Variants in HOXC12 observed in about 807,000 individuals in gnomAD.
HOXC12 encodes homeobox C12.
Under a neutral mutation model 20.9 loss-of-function variants are expected in HOXC12, and 24 were observed. The ratio of observed to expected loss-of-function variants is 1.15; its 90% confidence interval spans 0.83 to 1.61. The LOEUF is 1.61. HOXC12 is among the 40% of genes most tolerant of loss of function. The pLI is 0.00. For synonymous variants in HOXC12, 202 were observed against 197.7 expected, an observed-to-expected ratio of 1.02 and a Z score of -0.18; for missense variants, 436 against 406.9, an observed-to-expected ratio of 1.07 and a Z score of -0.62.
rs1454967507 is a variant in HOXC12 at position 53,957,754 on chromosome 12, T to G, written c.*1188T>G. Reference sequence around the variant, plus strand: ...CCCCCCACCCAACTCCCTTCTCTCTTCCTCGCCCGCCCCCCAACATTGCCC... The same window carrying G: ...CCCCCCACCCAACTCCCTTCTCTCTGCCTCGCCCGCCCCCCAACATTGCCC... On this transcript the variant is annotated 3_prime_UTR_variant, in exon 2 of 2. Coordinates refer to ENST00000243103, the MANE Select transcript of HOXC12 (RefSeq NM_173860.3). 3 of 152,392 alleles carry G rather than the reference T, an allele frequency of 2.0e-5. No individual in the cohort carries two copies. The highest frequency in any genetic ancestry group is 4.4e-5 in the Non-Finnish European group (3 of 68,270). The allele number at this position is 152,392 out of a possible 1,614,324, so 9.4% of individuals were successfully genotyped here. A position where few individuals can be genotyped will look rare whatever the true frequency, so the allele number is the denominator to read the frequency against.
At position 53,956,476 on chromosome 12, in the gene HOXC12, T is replaced by G. The variant is rs1470078531; in HGVS notation, c.759T>G (p.Leu253=). ...RRRELSDRLN[L]SDQQVKIWFQ... is the part of the protein sequence containing the mutation. ...GGGAACTCTCAGACCGCTTGAATCT[T>G]AGTGACCAGCAGGTCAAGATCTGGT... The change falls in exon 2 of 2, where the codon CTT becomes CTG. Residue 253 remains leucine, a synonymous_variant. Transcript: ENST00000243103. 6.2e-7 allele frequency: 1 copy of G among 1,614,068 alleles called. No homozygotes were observed. Among genetic ancestry groups the G allele is most frequent in the East Asian group, 2.2e-5 (1 of 44,902 alleles).
Position 53,958,936 on chromosome 12 carries a change from T to C in HOXC12, c.*2370T>C, listed in dbSNP as rs1938911152. On this transcript the variant is annotated 3_prime_UTR_variant, in exon 2 of 2. Transcript: ENST00000243103. ...TGCTTCATCATATTAATATTGATAA[T>C]AATAATAATTAAAACATGAATTATG... is the stretch of plus-strand genomic sequence containing the variant. 1 of 152,160 alleles carries C rather than the reference T, an allele frequency of 6.6e-6. No individual in the cohort carries two copies. Among genetic ancestry groups the C allele is most frequent in the South Asian group, 2.1e-4 (1 of 4,824 alleles). 9.4% of individuals were successfully genotyped at this position (152,160 alleles called of 1,614,324 possible).
In HOXC12 at chr12:53,956,536, G is replaced by A. The variant is rs565133035; in HGVS notation, c.819G>A (p.Leu273=). The A allele has an allele frequency of 1.9e-6, 3 of 1,613,644 alleles. No homozygotes were observed. The highest frequency in any genetic ancestry group is 1.7e-6 in the Non-Finnish European group (2 of 1,179,806). Residue 273 remains leucine (L), a synonymous_variant, in exon 2 of 2, where the codon CTG becomes CTA. Coordinates refer to ENST00000243103, the MANE Select transcript of HOXC12 (RefSeq NM_173860.3). ...QNRRMKKKRL[L]LREQALSFF is the part of the protein sequence containing the mutation. ...GGAGAATGAAAAAGAAAAGACTTCTGTTGAGGGAGCAAGCTCTCTCCTTCT... is the reference window on the plus strand; with the variant it reads ...GGAGAATGAAAAAGAAAAGACTTCTATTGAGGGAGCAAGCTCTCTCCTTCT...
At position 53,955,277 on chromosome 12, in the gene HOXC12, G is replaced by A. The variant is rs749633904; in HGVS notation, c.348G>A (p.Pro116=). The change falls in exon 1 of 2, where the codon CCG becomes CCA. Residue 116 remains proline, a synonymous_variant. Coordinates refer to ENST00000243103, the MANE Select transcript of HOXC12 (RefSeq NM_173860.3). Reference sequence around the variant, plus strand: ...AGCGTGAGGAGCGCGGGCGCGACCCGGGAGCCGGGCCCGGGGCAGCGCTGC... The same window carrying A: ...AGCGTGAGGAGCGCGGGCGCGACCCAGGAGCCGGGCCCGGGGCAGCGCTGC... The part of the protein sequence containing the change: ...GLKREERGRD[P]GAGPGAALLP... 8.3e-6 allele frequency: 12 copies of A among 1,445,526 alleles called. No homozygotes were observed. Among genetic ancestry groups the A allele is most frequent in the Middle Eastern group, 2.4e-4 (1 of 4,116 alleles). 89.5% of individuals were successfully genotyped at this position (1,445,526 alleles called of 1,614,324 possible). A position where few individuals can be genotyped will look rare whatever the true frequency, so the allele number is the denominator to read the frequency against.
In HOXC12 at chr12:53,957,445, TC is replaced by T. The variant is rs1199192506; in HGVS notation, c.*883del. On this transcript the variant is annotated 3_prime_UTR_variant, in exon 2 of 2. Coordinates refer to ENST00000243103, the MANE Select transcript of HOXC12 (RefSeq NM_173860.3). ...TCAGGTTCAGTAGCCACCCCAGAGG[TC>T]CCCAGCTGGCTCTCCAGAAAGAAAG... 1 of 152,190 alleles carries T rather than the reference TC, an allele frequency of 6.6e-6. No individual in the cohort carries two copies. The allele number at this position is 152,190 out of a possible 1,614,324, so 9.4% of individuals were successfully genotyped here. A position where few individuals can be genotyped will look rare whatever the true frequency, so the allele number is the denominator to read the frequency against.
In HOXC12 at chr12:53,955,147, T is replaced by A; in HGVS notation, c.218T>A (p.Val73Glu). Residue 73 changes from valine to glutamate, a missense_variant, in exon 1 of 2, where the codon GTG (valine) becomes GAG (glutamate). Val to Glu is a moderately radical substitution (Grantham distance 121, BLOSUM62 -2). Transcript: ENST00000243103. ...GYPQPYLGSP[V>E]SLNPPFGRTC... is the part of the protein sequence containing the mutation. ...CCGCAGCCCTACCTCGGCAGCCCAG[T>A]GTCTCTCAACCCTCCCTTCGGCCGC... 1 of 1,610,968 alleles carries A rather than the reference T, an allele frequency of 6.2e-7. No homozygotes were observed.
intron 1 of HOXC12, 117 bp from the exon 2 acceptor site, chr12:53,956,211 A>G (rs1471095000): frequency 2.7e-6 from 2 of 745,468 alleles, no homozygotes; most frequent in Non-Finnish European, 4.2e-6. Flanking sequence ...GAAGGGAGAG[A>G]AAGGGCCTGG....
chr12:53,955,306 C>T lies in HOXC12; in HGVS notation c.377C>T (p.Pro126Leu). Residue 126 changes from proline to leucine, a missense_variant, in exon 1 of 2, where the codon CCG becomes CTG. Pro to Leu is a moderately conservative substitution (Grantham distance 98). Transcript: ENST00000243103. Reference protein sequence around the residue: ...PGAGPGAALLPLEPSGPPALG... With the variant: ...PGAGPGAALLLLEPSGPPALG... The stretch of plus-strand genomic sequence containing the variant: ...GCCGGGCCCGGGGCAGCGCTGCTCC[C>T]GCTGGAGCCGTCGGGGCCGCCTGCG... 1 of 1,385,534 alleles carries T rather than the reference C, an allele frequency of 7.2e-7. No homozygotes were observed. The highest frequency in any genetic ancestry group is 9.3e-7 in the Non-Finnish European group (1 of 1,078,726). The allele number at this position is 1,385,534 out of a possible 1,614,324, so 85.8% of individuals were successfully genotyped here.
In HOXC12 at chr12:53,955,433, C is replaced by T. The variant is rs1367689358; in HGVS notation, c.504C>T (p.Ser168=). ...CGCCCTCCTGCCAGTCGCTGGAATC[C>T]GACTCCAGTTCGTCCCTGCTCAACG... ...HDPPSCQSLE[S]DSSSSLLNEG... Residue 168 remains serine (S), a synonymous_variant, in exon 1 of 2, where the codon TCC becomes TCT. Transcript: ENST00000243103. 7.9e-6 allele frequency: 12 copies of T among 1,510,638 alleles called. No homozygotes were observed. Among genetic ancestry groups the T allele is most frequent in the East Asian group, 2.7e-5 (1 of 37,208 alleles). The allele number at this position is 1,510,638 out of a possible 1,614,324, so 93.6% of individuals were successfully genotyped here.
rs1273573551 is a variant in HOXC12, at chr12:53,955,117, G to GCTAC, written c.190_193dup (p.Pro65LeufsTer47). On this transcript the variant is annotated frameshift_variant, in exon 1 of 2. Transcript: ENST00000243103. LOFTEE classifies it high-confidence loss of function. ...TGGCCGTCGGCGGAGCCGTGCAATGGCTACCCGCAGCCCTACCTCGGCAGC... is the reference window on the plus strand; with the variant it reads ...TGGCCGTCGGCGGAGCCGTGCAATGGCTACCTACCCGCAGCCCTACCTCGGCAGC... 3 of 1,611,118 alleles carry GCTAC rather than the reference G, an allele frequency of 1.9e-6. No homozygotes were observed. The highest frequency in any genetic ancestry group is 2.5e-6 in the Non-Finnish European group (3 of 1,178,982).
chr12:53,955,727 T>C (rs1471871635), intron 1 of HOXC12, among the ~76,000 whole-genome samples, 188 bp downstream of exon 1: 4 of 152,114 alleles, frequency 2.6e-5, no homozygotes, highest in Non-Finnish European at 5.9e-5. Context: ...ATGGAGAGTG[T>C]TCCTTTTTCG....
Position 53,955,164 on chromosome 12 carries a change from T to C in HOXC12, c.235T>C (p.Phe79Leu), listed in dbSNP as rs761820803. Residue 79 changes from phenylalanine (F) to leucine (L), a missense_variant, in exon 1 of 2, where the codon TTC becomes CTC. Physicochemically the swap from Phe to Leu is conservative, Grantham distance 22 (BLOSUM62 0). Transcript: ENST00000243103. The part of the protein sequence containing the change: ...LGSPVSLNPP[F>L]GRTCELARVE... ...CAGCCCAGTGTCTCTCAACCCTCCC[T>C]TCGGCCGCACGTGCGAGCTGGCGCG... 1 of 1,610,870 alleles carries C rather than the reference T, an allele frequency of 6.2e-7. No homozygotes were observed. The highest frequency in any genetic ancestry group is 1.7e-5 in the Admixed American group (1 of 59,876).
Position 53,956,391 on chromosome 12 carries a change from A to G in HOXC12, c.674A>G (p.Gln225Arg), listed in dbSNP as rs1449594690. ...RKKRKPYSKL[Q>R]LAELEGEFLV... ...AAGCGCAAGCCCTATTCGAAGTTGC[A>G]ACTGGCAGAGCTGGAGGGCGAGTTT... Residue 225 changes from glutamine (Q) to arginine (R), a missense_variant, in exon 2 of 2, where the codon CAA (glutamine) becomes CGA (arginine). Gln to Arg is a conservative substitution (Grantham distance 43). Transcript: ENST00000243103. 6.2e-7 allele frequency: 1 copy of G among 1,612,738 alleles called. No individual in the cohort carries two copies. Among genetic ancestry groups the G allele is most frequent in the South Asian group, 1.1e-5 (1 of 90,906 alleles).
chr12:53,956,395 G>T lies in HOXC12; in HGVS notation c.678G>T (p.Leu226=). The T allele has an allele frequency of 1.2e-6, 2 of 1,613,100 alleles. No homozygotes were observed. The highest frequency in any genetic ancestry group is 1.7e-6 in the Non-Finnish European group (2 of 1,179,626). Residue 226 remains leucine, a synonymous_variant, in exon 2 of 2, where the codon CTG becomes CTT. Coordinates refer to ENST00000243103, the MANE Select transcript of HOXC12 (RefSeq NM_173860.3). ...GCAAGCCCTATTCGAAGTTGCAACT[G>T]GCAGAGCTGGAGGGCGAGTTTCTGG... ...KKRKPYSKLQ[L]AELEGEFLVN...
chr12:53,956,214 G>C (rs1049480100), intron 1 of HOXC12, 114 bp from the exon 2 acceptor site: 3 of 755,752 alleles, frequency 4.0e-6, no homozygotes, highest in Non-Finnish European at 6.3e-6. Context: ...GGGAGAGAAA[G>C]GGCCTGGAGT....
In HOXC12 at chr12:53,956,807, G is replaced by A. The variant is rs980310627; in HGVS notation, c.*241G>A. The A allele has an allele frequency of 2.0e-5, 8 of 407,440 alleles. No homozygotes were observed. The highest frequency in any genetic ancestry group is 1.6e-4 in the East Asian group (4 of 25,124). The allele number at this position is 407,440 out of a possible 1,614,324, so 25.2% of individuals were successfully genotyped here. A position where few individuals can be genotyped will look rare whatever the true frequency, so the allele number is the denominator to read the frequency against. ...AGAGCAGAAGCCGGCAGCTGCCTGC[G>A]GTTGGCAGGGGCAGGAAGGCTGAGG... On this transcript the variant is annotated 3_prime_UTR_variant, in exon 2 of 2. Coordinates refer to ENST00000243103, the MANE Select transcript of HOXC12 (RefSeq NM_173860.3).
Position 53,956,332 on chromosome 12 carries a change from G to A in HOXC12, c.615G>A (p.Ala205=), listed in dbSNP as rs1285662877. The A allele has an allele frequency of 3.2e-6, 5 of 1,587,166 alleles. No homozygotes were observed. The highest frequency in any genetic ancestry group is 2.2e-5 in the East Asian group (1 of 44,606). Residue 205 remains alanine, a synonymous_variant, in exon 2 of 2, where the codon GCG becomes GCA. Coordinates refer to ENST00000243103, the MANE Select transcript of HOXC12 (RefSeq NM_173860.3). ...CTGCCATTCATCTCCACCCAGGCGC[G>A]CCCTGGTACCCGATCAACAGCCGCT... ...NPGGGLSASG[A]PWYPINSRSR... is the part of the protein sequence containing the mutation.
chr12:53,956,760 A>T lies in HOXC12; in HGVS notation c.*194A>T, dbSNP rs1385354334. On this transcript the variant is annotated 3_prime_UTR_variant, in exon 2 of 2. Transcript: ENST00000243103. ...AAACACCCTGCCAGGTCCCAGAGAGAAGGGAAGAAACCTAGCCAGGGAGAG... is the reference window on the plus strand; with the variant it reads ...AAACACCCTGCCAGGTCCCAGAGAGTAGGGAAGAAACCTAGCCAGGGAGAG... The T allele has an allele frequency of 2.2e-6, 1 of 463,516 alleles. No homozygotes were observed. Among genetic ancestry groups the T allele is most frequent in the Non-Finnish European group, 3.8e-6 (1 of 264,418 alleles). The allele number at this position is 463,516 out of a possible 1,614,324, so 28.7% of individuals were successfully genotyped here. A position where few individuals can be genotyped will look rare whatever the true frequency, so the allele number is the denominator to read the frequency against.
Position 53,955,218 on chromosome 12 carries a change from G to A in HOXC12, c.289G>A (p.Glu97Lys). ...RVEDGKGYYR[E>K]PCAEGGGGGL... ...GGAGGACGGCAAGGGTTACTACCGC[G>A]AGCCGTGCGCCGAGGGTGGCGGCGG... Residue 97 changes from glutamate to lysine, a missense_variant, in exon 1 of 2, where the codon GAG becomes AAG. Coordinates refer to ENST00000243103, the MANE Select transcript of HOXC12 (RefSeq NM_173860.3). 12 of 1,602,292 alleles carry A rather than the reference G, an allele frequency of 7.5e-6. No individual in the cohort carries two copies. Among genetic ancestry groups the A allele is most frequent in the Non-Finnish European group, 1.0e-5 (12 of 1,174,572 alleles).
Sources: allele counts gnomAD v4.1 joint callset (sites outside exome capture counted in the v4.1 genomes callset), GRCh38; gene constraint gnomAD v4.1.1; transcripts MANE v1.5; gene names NCBI Gene and HGNC (gene_info 2026-07-23, HGNC 2026-07-21).